The following TENM2 variants were observed in gnomAD, a reference collection of about 807,000 sequenced individuals.
The protein encoded by TENM2 is teneurin transmembrane protein 2.
A neutral mutation model predicts 245.2 loss-of-function variants in TENM2; 52 were observed. The observed-to-expected ratio is 0.21, with a 90% CI of 0.17 to 0.27. The LOEUF (loss-of-function observed/expected upper bound fraction) is 0.27, where lower values mean the gene tolerates loss of function less well. TENM2 is among the 10% of genes least tolerant of loss of function. The pLI is 1.00. For missense variants in TENM2, 3,046 were observed against 3,666.8 expected, an observed-to-expected ratio of 0.83 and a Z score of 4.37; for synonymous variants, 1,363 against 1,438.9, an observed-to-expected ratio of 0.95 and a Z score of 1.19.
the TENM2 span, among the ~76,000 whole-genome samples, chr5:167,249,280 A>G: frequency 1.3e-5 from 2 of 152,122 alleles, no homozygotes; most frequent in African/African-American, 4.8e-5. Flanking sequence ...TACCAGTTCT[A>G]TTGAGCTTGG....
chr5:168,256,371 A>G (rs945317722), intron 27 of TENM2, among the ~76,000 whole-genome samples: 1 of 151,710 alleles, frequency 6.6e-6, no homozygotes, highest in African/African-American at 2.4e-5. Flanking sequence ...GATTAAAGCC[A>G]GGCTTCTCTC....
intron 2 of TENM2, among the ~76,000 whole-genome samples, chr5:167,749,405 C>T (rs141060372): frequency 0.021 from 3,120 of 152,008 alleles, 103 homozygotes; most frequent in African/African-American, 0.072. Context: ...TTTGGGAGGC[C>T]GAAGCGGGCA....
chr5:167,329,551 C>CAAAAA (rs34165505), intron 1 of TENM2, among the ~76,000 whole-genome samples: 763 of 21,848 alleles, frequency 0.035, 143 homozygotes, highest in Non-Finnish European at 0.044. Flanking sequence ...GACTCAGTCT[C>CAAAAA]AAAAAAAAAA....
At chr5:167,568,509 T>C (rs1370012063) in intron 2 of TENM2, among the ~76,000 whole-genome samples, 1 of 152,060 alleles carries the variant, frequency 6.6e-6, no homozygotes, top group African/African-American at 2.4e-5. Flanking sequence ...AAAAACACGC[T>C]GACTTCATGA....
At position 167,445,332 on chromosome 5, in the gene TENM2, T is replaced by TAGAGAGAGAGAGAG. The variant is rs71591182; in HGVS notation, c.502+69860_502+69861insGAGAGAGAGAGAGA. Among the ~76,000 whole-genome samples, 396 of 76,792 alleles carry TAGAGAGAGAGAGAG rather than the reference T, an allele frequency of 5.2e-3. 3 individuals are homozygous for TAGAGAGAGAGAGAG. Among genetic ancestry groups the TAGAGAGAGAGAGAG allele is most frequent in the Non-Finnish European group, 8.2e-3 (332 of 40,390 alleles). The allele number at this position is 76,792 out of a possible 152,430, so 50.4% of individuals were successfully genotyped here. On this transcript the variant is annotated intron_variant, in intron 2 of 28. Transcript: ENST00000518659. Reference sequence around the variant, plus strand: ...ATGATTATATATATATATATATATATATATAGAGAGAGAGAGAGAGAGAGA... The same window carrying TAGAGAGAGAGAGAG: ...ATGATTATATATATATATATATATATAGAGAGAGAGAGAGATATAGAGAGAGAGAGAGAGAGAGA...
At chr5:167,564,655 G>T (rs1274641577) in intron 2 of TENM2, among the ~76,000 whole-genome samples, 1 of 152,150 alleles carries the variant, frequency 6.6e-6, no homozygotes, top group Non-Finnish European at 1.5e-5. Context: ...CAGTTCTTTT[G>T]GGGGACTTGC....
At chr5:167,367,172 A>G (rs1353598587) in intron 1 of TENM2, among the ~76,000 whole-genome samples, 1 of 152,158 alleles carries the variant, frequency 6.6e-6, no homozygotes, top group African/African-American at 2.4e-5. Context: ...TTCTGTCTTC[A>G]CTAGCCATCT....
At chr5:168,164,483 C>T (rs539296926) in intron 13 of TENM2, among the ~76,000 whole-genome samples, 5 of 152,186 alleles carry the variant, frequency 3.3e-5, no homozygotes, top group Admixed American at 6.5e-5. Context: ...CCTAGGGCTG[C>T]TTGCACTCTC....
chr5:167,654,282 G>A (rs1754683810), intron 2 of TENM2, among the ~76,000 whole-genome samples: 1 of 152,048 alleles, frequency 6.6e-6, no homozygotes, highest in Non-Finnish European at 1.5e-5. Flanking sequence ...TCTCTTTAAA[G>A]CTCTTCATTG....
intron 3 of TENM2, among the ~76,000 whole-genome samples, chr5:167,918,377 A>G (rs1315200499): frequency 6.6e-6 from 1 of 152,184 alleles, no homozygotes; most frequent in Non-Finnish European, 1.5e-5. Context: ...CTTGAAGCCC[A>G]TCAGGAATGA....
At chr5:167,758,317 A>G (rs1347927919) in intron 2 of TENM2, among the ~76,000 whole-genome samples, 9 of 152,122 alleles carry the variant, frequency 5.9e-5, no homozygotes, top group Admixed American at 5.9e-4. Context: ...CATTCCATCA[A>G]TATCTTGCTC....
upstream of TENM2, among the ~76,000 whole-genome samples, chr5:167,281,381 T>C (rs926150574): frequency 3.3e-5 from 5 of 151,630 alleles, no homozygotes; most frequent in African/African-American, 7.3e-5. Context: ...TCCCAAAGTG[T>C]TGGGATTATA....
intron 7 of TENM2, among the ~76,000 whole-genome samples, chr5:168,079,292 CTT>C (rs1283218507): frequency 6.6e-6 from 1 of 152,234 alleles, no homozygotes; most frequent in African/African-American, 2.4e-5. Context: ...TATCCTGAGA[CTT>C]TGCTGAAGTT....
chr5:167,656,991 A>G (rs1754885972), intron 2 of TENM2, among the ~76,000 whole-genome samples: 1 of 138,852 alleles, frequency 7.2e-6, no homozygotes, highest in Admixed American at 7.5e-5. Context: ...CCTTCTAGCT[A>G]TTTGAAGCTA....
At chr5:168,083,730 G>A (rs140695362) in intron 7 of TENM2, among the ~76,000 whole-genome samples, 93 of 152,074 alleles carry the variant, frequency 6.1e-4, no homozygotes, top group African/African-American at 2.0e-3. Flanking sequence ...AGTAATAGAC[G>A]TTTTTTAAAA....
intron 5 of TENM2, among the ~76,000 whole-genome samples, chr5:168,012,996 C>G (rs1581055281): frequency 6.6e-6 from 1 of 152,230 alleles, no homozygotes; most frequent in East Asian, 1.9e-4. Flanking sequence ...ATGTCTGATG[C>G]AGCTCCACAT....
At chr5:167,391,041 T>C (rs1025224302) in intron 2 of TENM2, among the ~76,000 whole-genome samples, 2 of 152,188 alleles carry the variant, frequency 1.3e-5, no homozygotes, top group African/African-American at 4.8e-5. Flanking sequence ...CTGTTCTTTT[T>C]GGCTGCAGTG....
intron 3 of TENM2, among the ~76,000 whole-genome samples, chr5:167,883,110 G>A (rs1213116636): frequency 6.6e-6 from 1 of 152,110 alleles, no homozygotes; most frequent in Non-Finnish European, 1.5e-5. Context: ...GAGAAGAGTG[G>A]TTTTGGTATG....
intron 4 of TENM2, among the ~76,000 whole-genome samples, chr5:167,982,693 A>T (rs928992153): frequency 2.0e-5 from 3 of 151,444 alleles, no homozygotes; most frequent in Admixed American, 6.6e-5. Context: ...AAGCCCATTC[A>T]TTTTCCCCTC....
Sources: allele counts gnomAD v4.1 joint callset (sites outside exome capture counted in the v4.1 genomes callset), GRCh38; gene constraint gnomAD v4.1.1; transcripts MANE v1.5; gene names NCBI Gene and HGNC (gene_info 2026-07-23, HGNC 2026-07-21).